ZNF560: variants seen among roughly 807,000 people sequenced by gnomAD.
The protein encoded by ZNF560 is zinc finger protein 560.
Under a neutral mutation model 81.8 loss-of-function variants are expected in ZNF560, and 54 were observed. The observed-to-expected ratio is 0.66, with a 90% CI of 0.53 to 0.83. The LOEUF (loss-of-function observed/expected upper bound fraction) is 0.83. ZNF560 is among the 40% of genes least tolerant of loss of function. ZNF560 has a pLI of 0.00. For missense variants in ZNF560, 940 were observed against 932.4 expected (o/e 1.01, Z -0.11); for synonymous variants, 321 against 317.9 (o/e 1.01, Z -0.10).
At chr19:9,488,943 C>T (rs2144721210) in intron 2 of ZNF560, among the ~76,000 whole-genome samples, 1 of 152,258 alleles carries the variant, frequency 6.6e-6, no homozygotes, top group South Asian at 2.1e-4. Context: ...CCTCATTCTC[C>T]CTTGCTCCTG....
In ZNF560 at chr19:9,466,648, G is replaced by A. The variant is rs1215510284; in HGVS notation, c.2299C>T (p.Pro767Ser). 6 of 1,613,952 alleles carry A rather than the reference G, an allele frequency of 3.7e-6. No individual in the cohort carries two copies. The African/African-American group carries it at 6.7e-5, about 18-fold the overall frequency. The change falls in exon 10 of 10, where the codon CCC (proline) becomes TCC (serine). Residue 767 changes from proline (P) to serine (S), a missense_variant. Coordinates refer to ENST00000301480, the MANE Select transcript of ZNF560 (RefSeq NM_152476.3). ...QHLRTHMGEK[P>S]FECDQCGKAF... ...TTCCCACACTGGTCACATTCAAAGGGTTTCTCTCCCATATGAGTTCTTAAA... is the reference window on the plus strand; with the variant it reads ...TTCCCACACTGGTCACATTCAAAGGATTTCTCTCCCATATGAGTTCTTAAA...
At chr19:9,482,216 T>C (rs141875904) in intron 2 of ZNF560, among the ~76,000 whole-genome samples, 3,965 of 151,922 alleles carry the variant, frequency 0.026, 81 homozygotes, top group East Asian at 0.082. Context: ...TAGGTGAGAA[T>C]TGAACAATGA....
chr19:9,475,999 G>T (rs953108009), intron 2 of ZNF560, among the ~76,000 whole-genome samples: 1 of 152,192 alleles, frequency 6.6e-6, no homozygotes, highest in African/African-American at 2.4e-5. Context: ...TCTTCTCAAA[G>T]AACACACTTA....
In ZNF560 at chr19:9,497,377, T is replaced by C. The variant is rs117813643; in HGVS notation, c.-57+751A>G. ...CGGTGAAACCCCATCTCTACAAAAA[T>C]ACAAAAAATTATCCGGGCACGGTGG... is the stretch of plus-strand genomic sequence containing the variant. On this transcript the variant is annotated intron_variant, in intron 2 of 9. Coordinates refer to ENST00000301480, the MANE Select transcript of ZNF560 (RefSeq NM_152476.3). Among the ~76,000 whole-genome samples, 575 of 151,608 alleles carry C rather than the reference T, an allele frequency of 3.8e-3. 14 individuals are homozygous for C. In the East Asian group the frequency reaches 0.068, roughly 18 times the overall value.
chr19:9,467,768 T>A lies in ZNF560; in HGVS notation c.1179A>T (p.Glu393Asp). 6.2e-7 allele frequency: 1 copy of A among 1,614,216 alleles called. No homozygotes were observed. Among genetic ancestry groups the A allele is most frequent in the Non-Finnish European group, 8.5e-7 (1 of 1,180,040 alleles). The change falls in exon 10 of 10, where the codon GAA becomes GAT. Residue 393 changes from glutamate (E) to aspartate (D), a missense_variant. Coordinates refer to ENST00000301480, the MANE Select transcript of ZNF560 (RefSeq NM_152476.3). ...TCTCTCCAGTGTGAGTTCGTACATG[T>A]TCAAGAAAGCCTGACGGCACAGTGA... ...KTFTVPSGFL[E>D]HVRTHTGEKP...
Position 9,477,318 on chromosome 19 carries a change from T to C in ZNF560, c.-56-1949A>G, listed in dbSNP as rs577781986. Reference sequence around the variant, plus strand: ...AATGACTCTTCTAATATCATCTACTTAGGAAGCGGTGAACCAGGACTTGAA... The same window carrying C: ...AATGACTCTTCTAATATCATCTACTCAGGAAGCGGTGAACCAGGACTTGAA... On this transcript the variant is annotated intron_variant, in intron 2 of 9. Transcript: ENST00000301480. 2.6e-5 allele frequency among the ~76,000 whole-genome samples: 4 copies of C among 152,276 alleles called. No individual in the cohort carries two copies. In the South Asian group the frequency reaches 8.3e-4, roughly 32 times the overall value.
At chr19:9,475,163 A>C (rs2073181109) in intron 3 of ZNF560, 121 bp downstream of exon 3, 2 of 982,726 alleles carry the variant, frequency 2.0e-6, no homozygotes, top group Non-Finnish European at 1.5e-6. Context: ...CAAGTGACTC[A>C]GTGCTTGAGT....
chr19:9,486,945 C>G (rs749507406), intron 2 of ZNF560, among the ~76,000 whole-genome samples: 2 of 152,178 alleles, frequency 1.3e-5, no homozygotes, highest in Non-Finnish European at 2.9e-5. Context: ...TGTCCCAGCT[C>G]ACAGCTTATG....
Position 9,469,201 on chromosome 19 carries a change from G to A in ZNF560, c.530-14C>T, listed in dbSNP as rs1296878110. On this transcript the variant is annotated splice_polypyrimidine_tract_variant and intron_variant, in intron 8 of 9. Coordinates refer to ENST00000301480, the MANE Select transcript of ZNF560 (RefSeq NM_152476.3). ...ACATTTTCCATTCTGAAATAAAAGA[G>A]AAAAATATACATGAGAGTTTACACA... 1.9e-6 allele frequency: 3 copies of A among 1,559,388 alleles called. No individual in the cohort carries two copies. The highest frequency in any genetic ancestry group is 2.0e-5 in the Admixed American group (1 of 50,064).
In ZNF560 at chr19:9,467,688, A is replaced by G. The variant is rs768328166; in HGVS notation, c.1259T>C (p.Ile420Thr). Reference protein sequence around the residue: ...GKAFGTSAGLIEHIRCHAREK... With the variant: ...GKAFGTSAGLTEHIRCHAREK... ...TCTGGCGTGACATCTTATATGTTCA[A>G]TAAGGCCTGCAGATGTACCAAAGGC... is the stretch of plus-strand genomic sequence containing the variant. Residue 420 changes from isoleucine (I) to threonine (T), a missense_variant, in exon 10 of 10, where the codon ATT (isoleucine) becomes ACT (threonine). Physicochemically the swap from Ile to Thr is moderately conservative, Grantham distance 89. Coordinates refer to ENST00000301480, the MANE Select transcript of ZNF560 (RefSeq NM_152476.3). 5 of 1,613,974 alleles carry G rather than the reference A, an allele frequency of 3.1e-6. No homozygotes were observed. Among genetic ancestry groups the G allele is most frequent in the Admixed American group, 3.3e-5 (2 of 59,998 alleles).
chr19:9,503,961 C>G, the ZNF560 span, among the ~76,000 whole-genome samples: 62 of 152,108 alleles, frequency 4.1e-4, no homozygotes, highest in African/African-American at 1.4e-3. Flanking sequence ...ACCTCAAGTA[C>G]TTATTATATT....
chr19:9,448,395 C>CTTTTT, the ZNF560 span, among the ~76,000 whole-genome samples: 2,906 of 89,710 alleles, frequency 0.032, 294 homozygotes, highest in African/African-American at 0.066. Flanking sequence ...CCATGCCTGG[C>CTTTTT]TTTTTTTTTT....
intron 3 of ZNF560, among the ~76,000 whole-genome samples, chr19:9,474,670 T>C (rs554217701): frequency 1.3e-5 from 2 of 152,190 alleles, no homozygotes; most frequent in East Asian, 3.9e-4. Flanking sequence ...TTAGCCTTTT[T>C]TTTTGGGAAG....
At chr19:9,495,733 AAAAG>A (rs1333080837) in intron 2 of ZNF560, among the ~76,000 whole-genome samples, 2 of 152,262 alleles carry the variant, frequency 1.3e-5, no homozygotes, top group African/African-American at 4.8e-5. Context: ...GGAAAGAAAG[AAAAG>A]AAAGAAAGAA....
intron 2 of ZNF560, among the ~76,000 whole-genome samples, chr19:9,496,752 A>G (rs1465681697): frequency 2.6e-5 from 4 of 151,664 alleles, no homozygotes; most frequent in East Asian, 2.0e-4. Context: ...CCTGGCCAAC[A>G]TGGTGAAACC....
At chr19:9,451,921 C>G in the ZNF560 span, among the ~76,000 whole-genome samples, 7,301 of 152,018 alleles carry the variant, frequency 0.048, 607 homozygotes, top group African/African-American at 0.17. Context: ...ACCAAAAATA[C>G]AAAAATTAGC....
chr19:9,491,815 G>C (rs1263406801), intron 2 of ZNF560, among the ~76,000 whole-genome samples: 1 of 88,654 alleles, frequency 1.1e-5, no homozygotes, highest in East Asian at 2.8e-4. Flanking sequence ...GACAGAGCGA[G>C]ACTCCGTCTC....
chr19:9,459,768 A>C, the ZNF560 span, among the ~76,000 whole-genome samples: 1 of 152,116 alleles, frequency 6.6e-6, no homozygotes, highest in African/African-American at 2.4e-5. Flanking sequence ...AATGGAGAAT[A>C]GGTTCTTCTA....
chr19:9,474,999 T>G (rs2073178725), intron 3 of ZNF560, among the ~76,000 whole-genome samples: 1 of 151,952 alleles, frequency 6.6e-6, no homozygotes, highest in African/African-American at 2.4e-5. Flanking sequence ...TAAAGGATGC[T>G]TTCATCTTCC....
Sources: allele counts gnomAD v4.1 joint callset (sites outside exome capture counted in the v4.1 genomes callset), GRCh38; gene constraint gnomAD v4.1.1; transcripts MANE v1.5; gene names NCBI Gene and HGNC (gene_info 2026-07-23, HGNC 2026-07-21).